The following MOB4 variants were observed in gnomAD, a reference collection of about 807,000 sequenced individuals.
MOB4 encodes MOB family member 4, phocein.
In MOB4, 4 loss-of-function variants were observed where a neutral mutation model predicts 32.2. The observed-to-expected ratio is 0.12, with a 90% CI of 0.06 to 0.28. The LOEUF (loss-of-function observed/expected upper bound fraction) is 0.28, where lower values mean the gene tolerates loss of function less well. MOB4 is among the 10% of genes least tolerant of loss of function. The pLI is 1.00. For synonymous variants in MOB4, 88 were observed against 88.1 expected, an observed-to-expected ratio of 1.00 and a Z score of 0.01; for missense variants, 158 against 271.2, an observed-to-expected ratio of 0.58 and a Z score of 2.93.
intron 5 of MOB4, among the ~76,000 whole-genome samples, chr2:197,546,747 T>C (rs898085025): frequency 6.6e-6 from 1 of 152,138 alleles, no homozygotes; most frequent in Non-Finnish European, 1.5e-5. Flanking sequence ...CAGTTGACCC[T>C]TGAACAACTC....
chr2:197,536,872 A>T (rs973751726), intron 3 of MOB4, among the ~76,000 whole-genome samples: 2 of 151,568 alleles, frequency 1.3e-5, no homozygotes, highest in Non-Finnish European at 2.9e-5. Flanking sequence ...CTGGGATTAC[A>T]GGTGTGAGCC....
chr2:197,543,439 T>G (rs954651122), intron 5 of MOB4, among the ~76,000 whole-genome samples: 2 of 151,918 alleles, frequency 1.3e-5, no homozygotes, highest in African/African-American at 4.8e-5. Context: ...ACAACCATGC[T>G]TGATAAGGGA....
chr2:197,524,785 T>G (rs1372590445), intron 2 of MOB4, among the ~76,000 whole-genome samples: 1 of 151,926 alleles, frequency 6.6e-6, no homozygotes, highest in Admixed American at 6.6e-5. Flanking sequence ...GTCTTTTTTT[T>G]TTTTAGACGG....
intron 1 of MOB4, 136 bp downstream of exon 1, chr2:197,516,282 TC>T: frequency 6.9e-7 from 1 of 1,453,482 alleles, no homozygotes; most frequent in South Asian, 1.4e-5. Flanking sequence ...GGCCTGCTCT[TC>T]CGGAGCTGCA....
intron 5 of MOB4, among the ~76,000 whole-genome samples, chr2:197,541,690 C>A (rs1016652776): frequency 6.6e-6 from 1 of 152,044 alleles, no homozygotes; most frequent in Non-Finnish European, 1.5e-5. Flanking sequence ...GAGGCCGAGG[C>A]GGGCGGATCA....
At chr2:197,523,869 A>T (rs531093745) in intron 2 of MOB4, among the ~76,000 whole-genome samples, 183 bp downstream of exon 2, 7 of 152,362 alleles carry the variant, frequency 4.6e-5, no homozygotes, top group Admixed American at 4.6e-4. Context: ...TTTACCTCTG[A>T]CATAGTTAAG....
chr2:197,546,357 G>A (rs1156682951), intron 5 of MOB4, among the ~76,000 whole-genome samples: 1 of 151,842 alleles, frequency 6.6e-6, no homozygotes, highest in Non-Finnish European at 1.5e-5. Flanking sequence ...CACTGCGCCC[G>A]GCCTCACGTT....
intron 1 of MOB4, chr2:197,516,649 GCCGATATTCT>G (rs1316518263): frequency 8.5e-6 from 4 of 471,966 alleles, no homozygotes; most frequent in African/African-American, 8.0e-5. Flanking sequence ...GGATCCGGGT[GCCGATATTCT>G]CCTCCTTGTT....
intron 3 of MOB4, among the ~76,000 whole-genome samples, chr2:197,539,400 C>T (rs1288098071): frequency 6.8e-6 from 1 of 147,882 alleles, no homozygotes; most frequent in Non-Finnish European, 1.5e-5. Flanking sequence ...CTCACTGCAA[C>T]CTCCGACTCC....
At chr2:197,520,646 T>C (rs954814610) in intron 1 of MOB4, among the ~76,000 whole-genome samples, 18 of 152,238 alleles carry the variant, frequency 1.2e-4, no homozygotes, top group African/African-American at 4.1e-4. Context: ...TGAGGTTACA[T>C]AGGTAAACTT....
intron 5 of MOB4, among the ~76,000 whole-genome samples, chr2:197,545,512 C>T (rs1362994960): frequency 6.6e-6 from 1 of 151,898 alleles, no homozygotes; most frequent in Non-Finnish European, 1.5e-5. Context: ...AATATTCAGC[C>T]ATGAAAAGGA....
At chr2:197,526,679 G>T (rs900464606) in intron 2 of MOB4, among the ~76,000 whole-genome samples, 6 of 152,282 alleles carry the variant, frequency 3.9e-5, no homozygotes, top group Non-Finnish European at 7.4e-5. Flanking sequence ...GTTAGGCCCA[G>T]GGTTTTCTTT....
chr2:197,535,742 T>G, intron 3 of MOB4, 112 bp downstream of exon 3: 22 of 1,224,782 alleles, frequency 1.8e-5, no homozygotes, highest in Non-Finnish European at 2.5e-5. Context: ...AGAAGCCAAA[T>G]TTTAAAGCTT....
At chr2:197,534,073 C>T (rs1023488114) in intron 2 of MOB4, 1 of 371,328 alleles carries the variant, frequency 2.7e-6, no homozygotes, top group Non-Finnish European at 5.3e-6. Context: ...GTTGTACATG[C>T]TGTATTGGAA....
In MOB4 at chr2:197,548,323, C is replaced by G. The variant is rs781412136; in HGVS notation, c.355-13C>G. 3.8e-6 allele frequency: 6 copies of G among 1,594,440 alleles called. No individual in the cohort carries two copies. In the South Asian group the frequency reaches 6.8e-5, roughly 18 times the overall value. On this transcript the variant is annotated splice_polypyrimidine_tract_variant and intron_variant, in intron 5 of 7. Coordinates refer to ENST00000323303, the MANE Select transcript of MOB4 (RefSeq NM_015387.5). ...CTCTTTGTTGATGCATTTCTATATT[C>G]TTTCTTTTGTAGTGTCCTGCTATAG... is the stretch of plus-strand genomic sequence containing the variant.
chr2:197,537,911 C>G (rs1231136982), intron 3 of MOB4, among the ~76,000 whole-genome samples: 1 of 152,136 alleles, frequency 6.6e-6, no homozygotes, highest in Non-Finnish European at 1.5e-5. Flanking sequence ...TCCCAAGTAG[C>G]TGGGACTACA....
At chr2:197,528,585 T>G (rs2086646055) in intron 2 of MOB4, among the ~76,000 whole-genome samples, 1 of 151,770 alleles carries the variant, frequency 6.6e-6, no homozygotes, top group East Asian at 1.9e-4. Flanking sequence ...CTGCTCCTGA[T>G]GTTCCCAATT....
chr2:197,549,187 C>A (rs921774296), intron 6 of MOB4, among the ~76,000 whole-genome samples: 10 of 151,894 alleles, frequency 6.6e-5, no homozygotes, highest in African/African-American at 2.4e-4. Flanking sequence ...GAGATCGCGC[C>A]ATTGCACTCC....
At chr2:197,531,509 C>T (rs116409224) in intron 2 of MOB4, among the ~76,000 whole-genome samples, 303 of 152,192 alleles carry the variant, frequency 2.0e-3, no homozygotes, top group Non-Finnish European at 3.8e-3. Flanking sequence ...TACTCAGCTT[C>T]TTGAATTTGC....
Sources: gnomAD v4.1 joint callset for allele counts (sites outside exome capture counted in the v4.1 genomes callset) on GRCh38, gnomAD v4.1.1 for gene constraint, MANE v1.5 for transcripts, NCBI Gene and HGNC (gene_info 2026-07-23, HGNC 2026-07-21) for gene names.